ZBTB8OS: variants seen among roughly 807,000 people sequenced by gnomAD.
The protein encoded by ZBTB8OS is tRNA splicing ligase complex subunit 1, also known as tRNA-splicing ligase-activating factor archease.
In ZBTB8OS, 16 loss-of-function variants were observed where a neutral mutation model predicts 29.3. The observed-to-expected ratio is 0.55, with a 90% confidence interval of 0.37 to 0.83. ZBTB8OS has a LOEUF of 0.83. Ranked by LOEUF, ZBTB8OS falls within the 40% of genes least tolerant of loss-of-function variation. The pLI, the probability that ZBTB8OS is intolerant of heterozygous loss-of-function variation, is 0.00. For synonymous variants in ZBTB8OS, 70 were observed against 64.6 expected, an observed-to-expected ratio of 1.08 and a Z score of -0.40; for missense variants, 160 against 196.9, an observed-to-expected ratio of 0.81 and a Z score of 1.12.
intron 4 of ZBTB8OS, chr1:32,632,475 C>T: frequency 6.6e-6 from 1 of 152,292 alleles, no homozygotes; most frequent in Non-Finnish European, 1.5e-5. Context: ...AGTGCCATGG[C>T]ATGATCTTGG....
At chr1:32,633,431 C>A in intron 4 of ZBTB8OS, 2 of 481,322 alleles carry the variant, frequency 4.2e-6, no homozygotes, top group East Asian at 7.3e-5. Context: ...TGATTAGTGA[C>A]AAATACATGA....
In ZBTB8OS at chr1:32,646,874, T is replaced by C. The variant is rs533974311; in HGVS notation, c.97+3559A>G. ...CAGCATGGTGAAACCCTGTCTCTACTAAAAAAAAAACACAAAAATTAGCCG... is the reference window on the plus strand; with the variant it reads ...CAGCATGGTGAAACCCTGTCTCTACCAAAAAAAAAACACAAAAATTAGCCG... On this transcript the variant is annotated intron_variant, in intron 1 of 6. Coordinates refer to ENST00000468695, the MANE Select transcript of ZBTB8OS (RefSeq NM_178547.5). Among the ~76,000 whole-genome samples the C allele has an allele frequency of 1.9e-3, 256 of 133,892 alleles. 1 individual carries two copies. The highest frequency in any genetic ancestry group is 6.2e-3 in the African/African-American group (227 of 36,386). The allele number at this position is 133,892 out of a possible 152,430, so 87.8% of individuals were successfully genotyped here. A position where few individuals can be genotyped will look rare whatever the true frequency, so the allele number is the denominator to read the frequency against.
chr1:32,634,441 G>A (rs1006584897), intron 2 of ZBTB8OS: 21 of 376,808 alleles, frequency 5.6e-5, no homozygotes, highest in Non-Finnish European at 9.1e-5. Context: ...TGGTCAGGCT[G>A]GTCTCGAACT....
chr1:32,634,899 G>A (rs1645838936), intron 1 of ZBTB8OS, 107 bp from the exon 2 acceptor site: 2 of 837,472 alleles, frequency 2.4e-6, no homozygotes, highest in Admixed American at 1.7e-5. Flanking sequence ...TCTTTAAAGA[G>A]CAAGAAAATG....
chr1:32,647,875 C>T (rs958871589), intron 1 of ZBTB8OS, among the ~76,000 whole-genome samples: 1 of 152,134 alleles, frequency 6.6e-6, no homozygotes, highest in African/African-American at 2.4e-5. Context: ...ATGTAATGCG[C>T]TTGAATCATC....
chr1:32,630,982 G>A (rs1444293999), intron 5 of ZBTB8OS, among the ~76,000 whole-genome samples: 1 of 151,964 alleles, frequency 6.6e-6, no homozygotes, highest in East Asian at 1.9e-4. Context: ...ACTCCAGCCT[G>A]AGCAACAGAG....
intron 1 of ZBTB8OS, among the ~76,000 whole-genome samples, chr1:32,647,525 C>T (rs1184005329): frequency 1.3e-5 from 2 of 152,062 alleles, no homozygotes; most frequent in Non-Finnish European, 2.9e-5. Flanking sequence ...CTGTTAGGAA[C>T]CAGGCAGCAC....
intron 5 of ZBTB8OS, chr1:32,627,833 G>C (rs1260674601): frequency 5.0e-6 from 2 of 399,364 alleles, no homozygotes; most frequent in South Asian, 3.4e-5. Context: ...CCAGGAGTTT[G>C]AGAACAGCCT....
chr1:32,646,874 TAAAA>T (rs1214041407), intron 1 of ZBTB8OS, among the ~76,000 whole-genome samples: 1 of 133,844 alleles, frequency 7.5e-6, no homozygotes, highest in African/African-American at 2.8e-5. Flanking sequence ...CTGTCTCTAC[TAAAA>T]AAAAAACACA....
Position 32,634,980 on chromosome 1 carries a change from CT to C in ZBTB8OS, c.98-189del, listed in dbSNP as rs34395011. ...GCTAATTGCTTTGCTTTGTTGGAAT[CT>C]TTTTTTTTTTGCGGGGACAGAGAGC... On this transcript the variant is annotated intron_variant, in intron 1 of 6. Coordinates refer to ENST00000468695, the MANE Select transcript of ZBTB8OS (RefSeq NM_178547.5). 6.3e-4 allele frequency among the ~76,000 whole-genome samples: 91 copies of C among 145,026 alleles called. 1 individual carries two copies. The highest frequency in any genetic ancestry group is 1.1e-3 in the South Asian group (5 of 4,546).
intron 3 of ZBTB8OS, 23 bp from the exon 4 acceptor site, chr1:32,633,750 T>C: frequency 6.4e-7 from 1 of 1,557,818 alleles, no homozygotes; most frequent in Non-Finnish European, 8.7e-7. Flanking sequence ...AAATAGTATA[T>C]TTAATAATTC....
intron 6 of ZBTB8OS, among the ~76,000 whole-genome samples, chr1:32,626,830 T>G (rs1246909053): frequency 6.6e-6 from 1 of 152,244 alleles, no homozygotes; most frequent in Non-Finnish European, 1.5e-5. Context: ...ATTACAGGTC[T>G]GAGCCACCAT....
intron 1 of ZBTB8OS, among the ~76,000 whole-genome samples, chr1:32,636,646 C>T (rs1645983173): frequency 2.0e-5 from 3 of 150,000 alleles, no homozygotes; most frequent in South Asian, 4.2e-4. Flanking sequence ...GCCAAGATCG[C>T]GCCACTGCAT....
intron 6 of ZBTB8OS, among the ~76,000 whole-genome samples, chr1:32,626,731 T>C (rs936080620): frequency 2.6e-5 from 4 of 152,080 alleles, no homozygotes; most frequent in African/African-American, 4.8e-5. Flanking sequence ...GTATTTTTAG[T>C]AGAGGCTAGG....
chr1:32,641,010 C>A (rs146724530), intron 1 of ZBTB8OS, among the ~76,000 whole-genome samples: 216 of 104,742 alleles, frequency 2.1e-3, no homozygotes, highest in African/African-American at 2.3e-3. Context: ...ACTAAAAATA[C>A]AAAAAAAAAA....
chr1:32,633,511 T>C, intron 4 of ZBTB8OS, 134 bp downstream of exon 4: 1 of 634,074 alleles, frequency 1.6e-6, no homozygotes, highest in Non-Finnish European at 2.7e-6. Context: ...GTCATTATAA[T>C]CTCTGCAAAT....
At chr1:32,632,419 T>C (rs1413763616) in intron 4 of ZBTB8OS, 1 of 152,010 alleles carries the variant, frequency 6.6e-6, no homozygotes, top group African/African-American at 2.4e-5. Context: ...GCAGTTTTTT[T>C]TGTTTGTTTG....
In ZBTB8OS at chr1:32,621,828, A is replaced by G. The variant is rs753670835; in HGVS notation, c.*34T>C. On this transcript the variant is annotated 3_prime_UTR_variant, in exon 7 of 7. Transcript: ENST00000468695. ...TCAAAAGGAAGAGGAAAACAAAAAC[A>G]GTTCTTCGTAGGAGTCTTTTATTTT... is the stretch of plus-strand genomic sequence containing the variant. The G allele has an allele frequency of 8.4e-6, 12 of 1,424,354 alleles. No individual in the cohort carries two copies. Among genetic ancestry groups the G allele is most frequent in the Non-Finnish European group, 1.1e-5 (11 of 1,035,256 alleles). 88.2% of individuals were successfully genotyped at this position (1,424,354 alleles called of 1,614,324 possible).
At chr1:32,628,862 G>C (rs1645323983) in intron 5 of ZBTB8OS, among the ~76,000 whole-genome samples, 2 of 151,272 alleles carry the variant, frequency 1.3e-5, no homozygotes, top group African/African-American at 4.9e-5. Context: ...TTTGAATCTG[G>C]GAGGCGGACA....
Sources: gnomAD v4.1 joint callset for allele counts (sites outside exome capture counted in the v4.1 genomes callset) on GRCh38, gnomAD v4.1.1 for gene constraint, MANE v1.5 for transcripts, NCBI Gene and HGNC (gene_info 2026-07-23, HGNC 2026-07-21) for gene names.